NDRG3: variants seen among roughly 807,000 people sequenced by gnomAD.
NDRG3 encodes the protein protein NDRG3.
In NDRG3, 23 loss-of-function variants were observed where a neutral mutation model predicts 57.2. The observed-to-expected ratio is 0.40, with a 90% CI of 0.29 to 0.57. The LOEUF (loss-of-function observed/expected upper bound fraction) is 0.57, where lower values mean the gene tolerates loss of function less well. Ranked by LOEUF, NDRG3 falls within the 20% of genes least tolerant of loss-of-function variation. The pLI is 0.42. For missense variants in NDRG3, 384 were observed against 457.3 expected (o/e 0.84, Z 1.46); for synonymous variants, 132 against 162.6 (o/e 0.81, Z 1.43).
At chr20:36,675,545 C>A (rs1568632848) in intron 8 of NDRG3, among the ~76,000 whole-genome samples, 1 of 151,932 alleles carries the variant, frequency 6.6e-6, no homozygotes, top group Non-Finnish European at 1.5e-5. Context: ...CGCCACCATG[C>A]CTGGCACATT....
intron 5 of NDRG3, among the ~76,000 whole-genome samples, chr20:36,685,827 G>T (rs1981739510): frequency 6.6e-6 from 1 of 152,104 alleles, no homozygotes; most frequent in Non-Finnish European, 1.5e-5. Flanking sequence ...TGAGCAACAG[G>T]GCAAAACCCT....
chr20:36,673,085 A>T (rs1158881934), intron 8 of NDRG3, among the ~76,000 whole-genome samples: 1 of 152,000 alleles, frequency 6.6e-6, no homozygotes, highest in Non-Finnish European at 1.5e-5. Context: ...GGTAGTCTTG[A>T]ACTCCTGAGC....
chr20:36,688,646 A>G (rs1418682010), intron 4 of NDRG3, 33 bp downstream of exon 4: 1 of 1,428,116 alleles, frequency 7.0e-7, no homozygotes. Flanking sequence ...ATCAAGTATG[A>G]TAAGAAGGGA....
intron 2 of NDRG3, among the ~76,000 whole-genome samples, chr20:36,707,400 G>A (rs555865988): frequency 1.1e-4 from 17 of 152,282 alleles, no homozygotes; most frequent in Non-Finnish European, 2.9e-5. Flanking sequence ...GGAGACCAAA[G>A]CTGAGAAAGG....
At chr20:36,697,395 G>A (rs1382561536) in intron 3 of NDRG3, among the ~76,000 whole-genome samples, 3 of 151,968 alleles carry the variant, frequency 2.0e-5, no homozygotes, top group Admixed American at 6.6e-5. Context: ...CAAGAATAGG[G>A]CACTTTTGTC....
chr20:36,724,786 GGT>G (rs1417519507), intron 1 of NDRG3, among the ~76,000 whole-genome samples: 2 of 151,416 alleles, frequency 1.3e-5, no homozygotes, highest in Admixed American at 6.6e-5. Context: ...AGATTAGCTG[GGT>G]GTGGTGGCAC....
At chr20:36,689,220 C>T (rs999275895) in intron 3 of NDRG3, among the ~76,000 whole-genome samples, 2 of 151,992 alleles carry the variant, frequency 1.3e-5, no homozygotes, top group African/African-American at 4.8e-5. Context: ...AAAATAAATG[C>T]ATACCAGAGA....
At chr20:36,693,118 AT>A (rs1394572279) in intron 3 of NDRG3, among the ~76,000 whole-genome samples, 1 of 60,018 alleles carries the variant, frequency 1.7e-5, no homozygotes, top group Non-Finnish European at 3.2e-5. Context: ...ATATATATAT[AT>A]ATATATATAT....
At chr20:36,670,112 T>C (rs1980016782) in intron 9 of NDRG3, among the ~76,000 whole-genome samples, 1 of 152,080 alleles carries the variant, frequency 6.6e-6, no homozygotes, top group Non-Finnish European at 1.5e-5. Context: ...AGTGAAAATC[T>C]TGTTTGGGGT....
intron 13 of NDRG3, 47 bp from the exon 14 acceptor site, chr20:36,656,579 G>A: frequency 1.2e-6 from 2 of 1,605,110 alleles, no homozygotes; most frequent in Non-Finnish European, 8.5e-7. Flanking sequence ...ACCCTTAAGA[G>A]AATTGCTCTG....
chr20:36,697,862 T>C (rs1291831958), intron 3 of NDRG3, among the ~76,000 whole-genome samples: 2 of 152,148 alleles, frequency 1.3e-5, no homozygotes, highest in Non-Finnish European at 2.9e-5. Flanking sequence ...AATGATAAAA[T>C]AGACTAATGT....
intron 2 of NDRG3, among the ~76,000 whole-genome samples, chr20:36,713,093 T>A (rs1471239011): frequency 1.3e-5 from 2 of 152,300 alleles, no homozygotes; most frequent in African/African-American, 4.8e-5. Context: ...GGTGCTTTCT[T>A]TTTTTCTGTC....
At chr20:36,713,363 C>T (rs1459942616) in intron 2 of NDRG3, among the ~76,000 whole-genome samples, 1 of 151,890 alleles carries the variant, frequency 6.6e-6, no homozygotes, top group African/African-American at 2.4e-5. Flanking sequence ...AGCAAGCAAG[C>T]CTCACAGTTA....
At position 36,731,840 on chromosome 20, in the gene NDRG3, G is replaced by A. The variant is rs1006962398; in HGVS notation, c.-48-10057C>T. Among the ~76,000 whole-genome samples, 6 of 149,944 alleles carry A rather than the reference G, an allele frequency of 4.0e-5. No homozygotes were observed. The East Asian group carries it at 9.9e-4, about 25-fold the overall frequency. ...AAAAAAAAGAAAGAAAAGAAATATA[G>A]AAGTTAGTTGGCATAGTGGATCAAA... is the stretch of plus-strand genomic sequence containing the variant. On this transcript the variant is annotated intron_variant, in intron 1 of 15. Coordinates refer to ENST00000349004, the MANE Select transcript of NDRG3 (RefSeq NM_032013.4).
chr20:36,714,765 C>T (rs1984131089), intron 2 of NDRG3, among the ~76,000 whole-genome samples: 1 of 151,462 alleles, frequency 6.6e-6, no homozygotes, highest in African/African-American at 2.4e-5. Flanking sequence ...AGGCACGTGC[C>T]ACCACGCCCG....
chr20:36,654,759 A>G, intron 15 of NDRG3: 1 of 779,546 alleles, frequency 1.3e-6, no homozygotes, highest in Non-Finnish European at 2.4e-6. Context: ...TGCAGCCAGG[A>G]GAGACTGGAA....
intron 13 of NDRG3, among the ~76,000 whole-genome samples, chr20:36,657,400 A>G (rs1978773750): frequency 6.6e-6 from 1 of 151,984 alleles, no homozygotes; most frequent in Admixed American, 6.6e-5. Context: ...ACACAGAAGA[A>G]TCACTTGAAC....
At position 36,666,456 on chromosome 20, in the gene NDRG3, G is replaced by A. The variant is rs1213048871; in HGVS notation, c.589-64C>T. ...CTCCAGAATAAGTCCATCTTGTTTG[G>A]TTTGCATTTTCATTACCACAAGCCA... On this transcript the variant is annotated intron_variant, in intron 9 of 15. Transcript: ENST00000349004. 2.3e-6 allele frequency: 3 copies of A among 1,302,368 alleles called. No individual in the cohort carries two copies. In the African/African-American group the frequency reaches 4.4e-5, roughly 19 times the overall value. The allele number at this position is 1,302,368 out of a possible 1,614,324, so 80.7% of individuals were successfully genotyped here.
intron 3 of NDRG3, among the ~76,000 whole-genome samples, chr20:36,694,745 TTTTATTTATTTA>T (rs373979225): frequency 4.6e-5 from 7 of 152,002 alleles, no homozygotes; most frequent in Admixed American, 1.3e-4. Flanking sequence ...TTTCAAGGCC[TTTTATTTATTTA>T]TTTATTTATT....
Sources: gnomAD v4.1 joint callset for allele counts (sites outside exome capture counted in the v4.1 genomes callset) on GRCh38, gnomAD v4.1.1 for gene constraint, MANE v1.5 for transcripts, NCBI Gene and HGNC (gene_info 2026-07-23, HGNC 2026-07-21) for gene names.